CBR4: variants seen among roughly 807,000 people sequenced by gnomAD.
CBR4 encodes 3-oxoacyl-[acyl-carrier-protein] reductase.
In CBR4, 22 loss-of-function variants were observed where a neutral mutation model predicts 21.0. The observed-to-expected ratio is 1.05, with a 90% CI of 0.75 to 1.50. The LOEUF is 1.50. CBR4 is among the 40% of genes most tolerant of loss of function. The probability of loss-of-function intolerance (pLI) is 0.00; values close to 1 mark genes in which losing one functional copy is unlikely to be tolerated. For synonymous variants in CBR4, 100 were observed against 104.4 expected (o/e 0.96, Z 0.26); for missense variants, 302 against 286.3 (o/e 1.05, Z -0.40).
intron 2 of CBR4, among the ~76,000 whole-genome samples, chr4:168,976,158 A>C (rs1578967418): frequency 6.6e-6 from 1 of 152,136 alleles, no homozygotes; most frequent in South Asian, 2.1e-4. Flanking sequence ...CTTAGTCAAA[A>C]TTATCACAAA....
chr4:168,979,221 T>C (rs924696173), intron 2 of CBR4, among the ~76,000 whole-genome samples: 2 of 150,640 alleles, frequency 1.3e-5, no homozygotes, highest in Non-Finnish European at 1.5e-5. Context: ...CAGCTGGTAG[T>C]AGCTCTGCAC....
intron 2 of CBR4, chr4:168,925,258 A>T (rs1458891484): frequency 1.2e-6 from 2 of 1,608,612 alleles, no homozygotes; most frequent in Non-Finnish European, 1.7e-6. Flanking sequence ...AGTGAACCAC[A>T]CCAGGAGAAC....
chr4:168,925,692 A>ATTTTTTT (rs1762445999), intron 2 of CBR4, among the ~76,000 whole-genome samples: 2 of 152,162 alleles, frequency 1.3e-5, no homozygotes, highest in Non-Finnish European at 2.9e-5. Flanking sequence ...TAAAAAAAAC[A>ATTTTTTT]CTAGAAAAAA....
chr4:168,916,108 A>T (rs941881301), intron 2 of CBR4: 3 of 1,347,010 alleles, frequency 2.2e-6, no homozygotes, highest in Non-Finnish European at 3.2e-6. Context: ...CTTTTGGGGA[A>T]ATTACATAAA....
intron 4 of CBR4, among the ~76,000 whole-genome samples, chr4:168,991,858 G>C (rs991526275): frequency 6.6e-6 from 1 of 152,158 alleles, no homozygotes; most frequent in African/African-American, 2.4e-5. Flanking sequence ...ACTTCAACAT[G>C]ACGTGTGAAG....
intron 2 of CBR4, among the ~76,000 whole-genome samples, chr4:168,922,626 T>C (rs916671681): frequency 2.6e-5 from 4 of 152,210 alleles, no homozygotes; most frequent in Non-Finnish European, 5.9e-5. Context: ...AACTCTTGGA[T>C]TATGATTCTG....
At chr4:168,908,497 A>G (rs1582089292) in intron 2 of CBR4, among the ~76,000 whole-genome samples, 4 of 150,890 alleles carry the variant, frequency 2.7e-5, no homozygotes, top group Admixed American at 2.6e-4. Flanking sequence ...AAAGGTGGTG[A>G]AAAAAAAATT....
chr4:168,948,793 T>C (rs973633106), intron 2 of CBR4, among the ~76,000 whole-genome samples: 3 of 152,228 alleles, frequency 2.0e-5, no homozygotes, highest in African/African-American at 7.2e-5. Flanking sequence ...TGAAATCAGG[T>C]AGTGCGATAC....
chr4:168,990,807 C>T (rs1022004547), intron 4 of CBR4, among the ~76,000 whole-genome samples: 4 of 151,690 alleles, frequency 2.6e-5, no homozygotes, highest in Non-Finnish European at 5.9e-5. Flanking sequence ...AATCCCAGCA[C>T]TTTGGGAGGC....
chr4:168,907,468 G>A (rs569243333), intron 2 of CBR4, among the ~76,000 whole-genome samples: 5 of 152,276 alleles, frequency 3.3e-5, no homozygotes, highest in African/African-American at 1.2e-4. Context: ...AGCAGATGTG[G>A]CTGTGCCACA....
chr4:168,991,010 T>C (rs1042875598), intron 4 of CBR4, among the ~76,000 whole-genome samples: 1 of 151,992 alleles, frequency 6.6e-6, no homozygotes, highest in Non-Finnish European at 1.5e-5. Flanking sequence ...GCCGAGATTG[T>C]GTCACTGCAC....
intron 2 of CBR4, among the ~76,000 whole-genome samples, chr4:168,966,452 G>A (rs1307706412): frequency 6.6e-6 from 1 of 151,516 alleles, no homozygotes; most frequent in Non-Finnish European, 1.5e-5. Flanking sequence ...GTGTGAACCC[G>A]GGAGGTGGAG....
rs117258702 is a variant in CBR4 at position 168,977,098 on chromosome 4, T to C, written n.169+24973A>G. Among the ~76,000 whole-genome samples, 171 of 152,374 alleles carry C rather than the reference T, an allele frequency of 1.1e-3. 3 individuals are homozygous for C. The East Asian group carries it at 0.032, about 29-fold the overall frequency. On this transcript the variant is annotated intron_variant and non_coding_transcript_variant, in intron 2 of 3. Transcript: ENST00000509108. ...GAATTCTTTCAGTTTTCCTGATATG[T>C]TCCTGTGGTGGTTCTTGGAGTAAAA...
At position 168,988,675 on chromosome 4, in the gene CBR4, T is replaced by A; in HGVS notation, c.*1475A>T. The A allele has an allele frequency of 1.0e-6, 1 of 982,236 alleles. No homozygotes were observed. Among genetic ancestry groups the A allele is most frequent in the Non-Finnish European group, 1.2e-6 (1 of 826,964 alleles). The allele number at this position is 982,236 out of a possible 1,614,324, so 60.8% of individuals were successfully genotyped here. A position where few individuals can be genotyped will look rare whatever the true frequency, so the allele number is the denominator to read the frequency against. On this transcript the variant is annotated 3_prime_UTR_variant, in exon 5 of 5. Transcript: ENST00000306193. ...TCTGTATATTACCACGTCTTGCATT[T>A]AATAGACAATTTGTTTAATGATACT...
At chr4:168,929,293 G>C (rs6814231) in intron 2 of CBR4, among the ~76,000 whole-genome samples, 2,731 of 152,236 alleles carry the variant, frequency 0.018, 72 homozygotes, top group African/African-American at 0.062. Flanking sequence ...CCTACTACGG[G>C]AAAGAGAAAG....
At chr4:168,959,360 T>C (rs1763776263) in intron 2 of CBR4, among the ~76,000 whole-genome samples, 1 of 152,170 alleles carries the variant, frequency 6.6e-6, no homozygotes, top group Non-Finnish European at 1.5e-5. Context: ...GTGGCTCCAC[T>C]TCTGGGTTCT....
At position 169,006,910 on chromosome 4, in the gene CBR4, TATAATAGCATATA is replaced by T; in HGVS notation, c.264-32_264-20del. On this transcript the variant is annotated intron_variant, in intron 2 of 4. Transcript: ENST00000306193. ...ACCATCCCTACAAAAAGAAACAGCA[TATAATAGCATATA>T]ATAACAAGATAAAAACCAAAAAGGT... 8.3e-6 allele frequency: 13 copies of T among 1,566,700 alleles called. No homozygotes were observed. The highest frequency in any genetic ancestry group is 1.1e-5 in the Non-Finnish European group (13 of 1,147,132).
At chr4:168,934,675 T>C (rs1763060695) in intron 2 of CBR4, among the ~76,000 whole-genome samples, 1 of 151,476 alleles carries the variant, frequency 6.6e-6, no homozygotes, top group South Asian at 2.1e-4. Context: ...TGATAATAAA[T>C]CAGTAATAAA....
intron 2 of CBR4, among the ~76,000 whole-genome samples, chr4:168,913,711 C>T (rs1759520784): frequency 6.6e-6 from 1 of 151,840 alleles, no homozygotes; most frequent in Non-Finnish European, 1.5e-5. Context: ...CAAAAAAAGA[C>T]CTTGTCACCT....
Sources: gnomAD v4.1 joint callset for allele counts (sites outside exome capture counted in the v4.1 genomes callset) on GRCh38, gnomAD v4.1.1 for gene constraint, MANE v1.5 for transcripts, NCBI Gene and HGNC (gene_info 2026-07-23, HGNC 2026-07-21) for gene names.